Variants in TPR observed in about 807,000 individuals in gnomAD.
The protein encoded by TPR is translocated promoter region, nuclear basket protein.
Under a neutral mutation model 316.1 loss-of-function variants are expected in TPR, and 51 were observed. That is an observed-to-expected ratio of 0.16 (90% CI 0.13 to 0.20). The LOEUF (loss-of-function observed/expected upper bound fraction) is 0.20. Ranked by LOEUF, TPR falls within the 10% of genes least tolerant of loss-of-function variation. TPR has a pLI of 1.00. For synonymous variants in TPR, 981 were observed against 914.7 expected, an observed-to-expected ratio of 1.07 and a Z score of -1.31; for missense variants, 2,272 against 2,754.8, an observed-to-expected ratio of 0.82 and a Z score of 3.92.
At chr1:186,351,223 A>C in intron 20 of TPR, 107 bp downstream of exon 20, 1 of 1,318,348 alleles carries the variant, frequency 7.6e-7, no homozygotes, top group Non-Finnish European at 1.0e-6. Flanking sequence ...ACTTAGTAAC[A>C]AAGTTTTTCA....
intron 48 of TPR, among the ~76,000 whole-genome samples, chr1:186,318,104 G>GA (rs1443907907): frequency 1.3e-5 from 2 of 152,102 alleles, no homozygotes; most frequent in Non-Finnish European, 2.9e-5. Context: ...ACAAATGAGG[G>GA]AGACAGTACA....
At chr1:186,371,074 A>G (rs1473012647) in intron 2 of TPR, 31 bp from the exon 3 acceptor site, 1 of 1,565,932 alleles carries the variant, frequency 6.4e-7, no homozygotes, top group African/African-American at 1.4e-5. Flanking sequence ...GAATACATAC[A>G]CATTTGCTTA....
intron 13 of TPR, among the ~76,000 whole-genome samples, chr1:186,358,214 G>A (rs1207346775): frequency 6.6e-6 from 1 of 152,066 alleles, no homozygotes; most frequent in East Asian, 1.9e-4. Context: ...AGAAGGATGT[G>A]AAAAAAATAC....
At chr1:186,347,143 G>A in intron 22 of TPR, 149 bp downstream of exon 22, 1 of 759,514 alleles carries the variant, frequency 1.3e-6, no homozygotes, top group Non-Finnish European at 2.1e-6. Flanking sequence ...GTTTTATCTG[G>A]CTTATGAGAC....
Position 186,355,666 on chromosome 1 carries a change from T to C in TPR, c.1991A>G (p.Glu664Gly). ...AAGGGCAGCCTTAGCCTCTATAGCC[T>C]CTGTTGATTCAATAACAGGTACTGG... ...PAPVPVIESTEAIEAKAALKQ... is the reference protein window; with the variant it reads ...PAPVPVIESTGAIEAKAALKQ... The change falls in exon 16 of 51, where the codon GAG becomes GGG. Residue 664 changes from glutamate to glycine, a missense_variant. Coordinates refer to ENST00000367478, the MANE Select transcript of TPR (RefSeq NM_003292.3). 1 of 1,614,136 alleles carries C rather than the reference T, an allele frequency of 6.2e-7. No individual in the cohort carries two copies.
Position 186,323,844 on chromosome 1 carries a change from A to C in TPR, c.6139T>G (p.Ser2047Ala). The change falls in exon 43 of 51, where the codon TCT becomes GCT. Residue 2047 changes from serine to alanine, a missense_variant. Transcript: ENST00000367478. ...SGEGNTGAAESSFSQEVSREQ... is the reference protein window; with the variant it reads ...SGEGNTGAAEASFSQEVSREQ... ...CTAGAAACCTCCTGAGAAAAAGAAGATTCTGCAGCACCTGTATTTCCTTCA... is the reference window on the plus strand; with the variant it reads ...CTAGAAACCTCCTGAGAAAAAGAAGCTTCTGCAGCACCTGTATTTCCTTCA... 18 of 1,548,946 alleles carry C rather than the reference A, an allele frequency of 1.2e-5. No homozygotes were observed. The highest frequency in any genetic ancestry group is 1.6e-5 in the Non-Finnish European group (18 of 1,157,038).
chr1:186,324,002 G>C (rs1297277429), intron 42 of TPR, 132 bp from the exon 43 acceptor site: 2 of 913,642 alleles, frequency 2.2e-6, no homozygotes, highest in East Asian at 3.2e-5. Flanking sequence ...AAGTAGTGAG[G>C]TGTGATGGAA....
chr1:186,361,636 T>C lies in TPR; in HGVS notation c.944A>G (p.Lys315Arg), dbSNP rs201760745. Residue 315 changes from lysine to arginine, a missense_variant, in exon 9 of 51, where the codon AAA (lysine) becomes AGA (arginine). Transcript: ENST00000367478. ...RAVEELHKLL[K>R]EAGEANKAIQ... ...AAAACACTTACCTTCACCAGCTTCT[T>C]TCAAAAGTTTGTGTAGTTCCTCTAC... 2.2e-4 allele frequency: 356 copies of C among 1,613,366 alleles called. 1 individual carries two copies. In the Middle Eastern group the frequency reaches 5.4e-3, roughly 25 times the overall value.
chr1:186,366,892 CTTG>C (rs1659360988), intron 4 of TPR, among the ~76,000 whole-genome samples: 2 of 151,804 alleles, frequency 1.3e-5, no homozygotes, highest in Non-Finnish European at 2.9e-5. Flanking sequence ...GTAACTACCA[CTTG>C]TTGATCAACA....
intron 31 of TPR, among the ~76,000 whole-genome samples, 164 bp from the exon 32 acceptor site, chr1:186,337,320 G>T (rs77765954): frequency 2.7e-4 from 41 of 152,180 alleles, no homozygotes; most frequent in Non-Finnish European, 5.0e-4. Context: ...CAAAAATGGG[G>T]AACTAGTTAT....
In TPR at chr1:186,375,136, C is replaced by A. The variant is rs570335398; in HGVS notation, c.-108G>T. The A allele has an allele frequency of 1.9e-6, 3 of 1,554,942 alleles. No individual in the cohort carries two copies. Among genetic ancestry groups the A allele is most frequent in the African/African-American group, 2.7e-5 (2 of 73,156 alleles). The stretch of plus-strand genomic sequence containing the variant: ...GCCTGGGCCGCCGCCTCTATCACCT[C>A]GCTCGGTGGCTCGCGCGCGCCCGCC... On this transcript the variant is annotated 5_prime_UTR_variant, in exon 1 of 51. Coordinates refer to ENST00000367478, the MANE Select transcript of TPR (RefSeq NM_003292.3).
chr1:186,324,880 C>T (rs975261011), intron 42 of TPR, among the ~76,000 whole-genome samples: 2 of 151,986 alleles, frequency 1.3e-5, no homozygotes, highest in East Asian at 1.9e-4. Context: ...ATTTCAACTA[C>T]GTGATACACA....
Position 186,327,245 on chromosome 1 carries a change from T to TA in TPR, c.5889+214dup, listed in dbSNP as rs1419462043. On this transcript the variant is annotated intron_variant, in intron 40 of 50. Transcript: ENST00000367478. ...AATATATAATATATATTTATATATA[T>TA]AATATATATAAATATATAATATATA... is the stretch of plus-strand genomic sequence containing the variant. 0.017 allele frequency among the ~76,000 whole-genome samples: 102 copies of TA among 5,848 alleles called. 44 individuals carry two copies. In the East Asian group the frequency reaches 0.18, roughly 10 times the overall value. 3.8% of individuals were successfully genotyped at this position (5,848 alleles called of 152,430 possible).
At chr1:186,334,654 G>A in intron 35 of TPR, 121 bp from the exon 36 acceptor site, 1 of 1,062,778 alleles carries the variant, frequency 9.4e-7, no homozygotes, top group Non-Finnish European at 1.3e-6. Flanking sequence ...CCTTATTAAA[G>A]CTGTTTTGAA....
intron 50 of TPR, 115 bp from the exon 51 acceptor site, chr1:186,314,141 T>C: frequency 2.1e-6 from 2 of 933,516 alleles, no homozygotes; most frequent in East Asian, 2.5e-5. Context: ...ATAAAACTGT[T>C]GGGTATTCTA....
intron 49 of TPR, 47 bp downstream of exon 49, chr1:186,317,434 CA>C: frequency 1.4e-6 from 2 of 1,419,822 alleles, no homozygotes; most frequent in Admixed American, 1.7e-5. Flanking sequence ...TTTTCACAAA[CA>C]AGTTTGATGT....
chr1:186,318,799 G>T lies in TPR; in HGVS notation c.6598C>A (p.Leu2200Ile), dbSNP rs1657686395. The T allele has an allele frequency of 1.2e-6, 2 of 1,614,100 alleles. No individual in the cohort carries two copies. Among genetic ancestry groups the T allele is most frequent in the Non-Finnish European group, 1.7e-6 (2 of 1,180,034 alleles). ...GLGMYETPLF[L>I]AHEEESGGRS... ...CCACCTGACTCTTCTTCATGAGCTA[G>T]GAACAGGGGTGTTTCATACATTCCT... is the stretch of plus-strand genomic sequence containing the variant. Residue 2200 changes from leucine (L) to isoleucine (I), a missense_variant, in exon 47 of 51, where the codon CTA (leucine) becomes ATA (isoleucine). This residue lies in a region of TPR where 88 missense variants were observed against 176.2 expected (regional missense o/e 0.50). Coordinates refer to ENST00000367478, the MANE Select transcript of TPR (RefSeq NM_003292.3).
chr1:186,314,523 T>G (rs559941995), intron 50 of TPR, 106 bp downstream of exon 50: 1 of 803,964 alleles, frequency 1.2e-6, no homozygotes, highest in Admixed American at 3.2e-5. Flanking sequence ...TTAATAAAAC[T>G]TTGGAACATT....
intron 23 of TPR, 114 bp downstream of exon 23, chr1:186,346,021 C>A: frequency 1.6e-6 from 2 of 1,235,810 alleles, no homozygotes; most frequent in South Asian, 1.7e-5. Flanking sequence ...AAAATTTTGC[C>A]TATGTGTTCA....
Sources: gnomAD v4.1 joint callset for allele counts (sites outside exome capture counted in the v4.1 genomes callset) on GRCh38, gnomAD v4.1.1 for gene constraint, gnomAD v4.1.1 regional missense constraint, MANE v1.5 for transcripts, NCBI Gene and HGNC (gene_info 2026-07-23, HGNC 2026-07-21) for gene names.